Variants in GUCY1A2 observed in about 807,000 individuals in gnomAD.
The protein encoded by GUCY1A2 is guanylate cyclase 1 soluble subunit alpha 2.
In GUCY1A2, 27 loss-of-function variants were observed where a neutral mutation model predicts 63.5. The observed-to-expected ratio is 0.43, with a 90% CI of 0.31 to 0.59. The LOEUF (loss-of-function observed/expected upper bound fraction) is 0.59. Among genes scored for constraint, GUCY1A2 ranks in the 20% least tolerant of loss-of-function variants. GUCY1A2 has a pLI of 0.11. For missense variants in GUCY1A2, 768 were observed against 913.3 expected, an observed-to-expected ratio of 0.84 and a Z score of 2.05; for synonymous variants, 364 against 343.5, an observed-to-expected ratio of 1.06 and a Z score of -0.66.
At chr11:107,016,285 A>T (rs779637189) in intron 1 of GUCY1A2, among the ~76,000 whole-genome samples, 2 of 152,260 alleles carry the variant, frequency 1.3e-5, no homozygotes, top group Non-Finnish European at 2.9e-5. Context: ...TGTCAGGAGG[A>T]GCTAAAGCTC....
At chr11:106,929,158 G>T (rs1320334162) in intron 4 of GUCY1A2, among the ~76,000 whole-genome samples, 2 of 152,094 alleles carry the variant, frequency 1.3e-5, no homozygotes, top group Non-Finnish European at 2.9e-5. Context: ...TACTATTTTA[G>T]CATTTCTTAA....
intron 4 of GUCY1A2, among the ~76,000 whole-genome samples, chr11:106,894,626 T>C (rs1291708028): frequency 6.6e-6 from 1 of 152,088 alleles, no homozygotes; most frequent in Non-Finnish European, 1.5e-5. Context: ...TATGAGTCAG[T>C]AACAGAAAGG....
intron 1 of GUCY1A2, among the ~76,000 whole-genome samples, chr11:106,994,031 GC>G (rs1389079162): frequency 6.6e-6 from 1 of 152,116 alleles, no homozygotes; most frequent in South Asian, 2.1e-4. Flanking sequence ...TAACATCTGG[GC>G]CATTTTTTCC....
chr11:106,878,943 T>G (rs1405455935), intron 4 of GUCY1A2, among the ~76,000 whole-genome samples: 1 of 152,108 alleles, frequency 6.6e-6, no homozygotes, highest in Non-Finnish European at 1.5e-5. Context: ...TTGTGATGTT[T>G]TAAGACATTA....
intron 7 of GUCY1A2, among the ~76,000 whole-genome samples, chr11:106,691,504 C>A (rs1300459604): frequency 6.6e-6 from 1 of 152,146 alleles, no homozygotes; most frequent in Non-Finnish European, 1.5e-5. Flanking sequence ...TCACCAAGAT[C>A]TTTGTTTTGC....
rs568139219 is a variant in GUCY1A2 at position 107,015,561 on chromosome 11, C to CAAAAAAAAA, written c.303+2183_303+2191dup. Among the ~76,000 whole-genome samples, 11 of 27,508 alleles carry CAAAAAAAAA rather than the reference C, an allele frequency of 4.0e-4. 3 individuals carry two copies. Among genetic ancestry groups the CAAAAAAAAA allele is most frequent in the African/African-American group, 1.3e-3 (11 of 8,754 alleles). The allele number at this position is 27,508 out of a possible 152,430, so 18.0% of individuals were successfully genotyped here. A position where few individuals can be genotyped will look rare whatever the true frequency, so the allele number is the denominator to read the frequency against. Reference sequence around the variant, plus strand: ...TTAGAAATCTGTAAATTCTCTTAGGCAAAAAAAAAAAAAAAAAAAAAAAAA... The same window carrying CAAAAAAAAA: ...TTAGAAATCTGTAAATTCTCTTAGGCAAAAAAAAAAAAAAAAAAAAAAAAAAAAAAAAAA... On this transcript the variant is annotated intron_variant, in intron 1 of 7. Coordinates refer to ENST00000526355, the MANE Select transcript of GUCY1A2 (RefSeq NM_000855.3).
At chr11:106,981,768 G>A (rs894002142) in intron 2 of GUCY1A2, among the ~76,000 whole-genome samples, 17 of 151,898 alleles carry the variant, frequency 1.1e-4, no homozygotes, top group Admixed American at 2.0e-4. Context: ...CGAAAAAGAT[G>A]TTCTCTGTGA....
intron 6 of GUCY1A2, among the ~76,000 whole-genome samples, chr11:106,733,624 C>A (rs1341104289): frequency 6.6e-6 from 1 of 152,144 alleles, no homozygotes; most frequent in South Asian, 2.1e-4. Flanking sequence ...AAGACTGGCT[C>A]TGAAGAACAG....
chr11:106,888,406 A>C (rs1028930034), intron 4 of GUCY1A2, among the ~76,000 whole-genome samples: 1 of 152,036 alleles, frequency 6.6e-6, no homozygotes, highest in Non-Finnish European at 1.5e-5. Context: ...CGGAGCTTGC[A>C]GTGAGCCGAG....
At chr11:106,951,286 T>G (rs1049494352) in intron 3 of GUCY1A2, among the ~76,000 whole-genome samples, 5 of 152,198 alleles carry the variant, frequency 3.3e-5, no homozygotes, top group African/African-American at 1.2e-4. Context: ...CAAATGGTAT[T>G]TCTGGTTCTA....
At chr11:106,763,665 T>C (rs1864108245) in intron 6 of GUCY1A2, among the ~76,000 whole-genome samples, 1 of 152,118 alleles carries the variant, frequency 6.6e-6, no homozygotes, top group Admixed American at 6.6e-5. Flanking sequence ...TGTTTGGGTA[T>C]TGTGTATACA....
At chr11:106,768,697 C>T (rs148001701) in intron 6 of GUCY1A2, among the ~76,000 whole-genome samples, 122 of 152,042 alleles carry the variant, frequency 8.0e-4, no homozygotes, top group Non-Finnish European at 1.5e-3. Flanking sequence ...AACAAAGTAA[C>T]GAAAAATTAT....
At chr11:106,747,693 T>C (rs1182519252) in intron 6 of GUCY1A2, among the ~76,000 whole-genome samples, 2 of 152,190 alleles carry the variant, frequency 1.3e-5, no homozygotes, top group African/African-American at 2.4e-5. Flanking sequence ...TGGTGAAATA[T>C]TGATATTGAT....
At chr11:106,741,557 T>C (rs1338880597) in intron 6 of GUCY1A2, among the ~76,000 whole-genome samples, 3 of 152,122 alleles carry the variant, frequency 2.0e-5, no homozygotes, top group Admixed American at 6.5e-5. Context: ...TGGTATTACA[T>C]TAGACACCAA....
chr11:106,924,875 C>T (rs1202790297), intron 4 of GUCY1A2, among the ~76,000 whole-genome samples: 1 of 151,880 alleles, frequency 6.6e-6, no homozygotes, highest in Non-Finnish European at 1.5e-5. Context: ...CATGGTGGTG[C>T]GTACCTGTAG....
intron 4 of GUCY1A2, among the ~76,000 whole-genome samples, chr11:106,825,547 T>C (rs1165413249): frequency 6.6e-6 from 1 of 151,696 alleles, no homozygotes; most frequent in Non-Finnish European, 1.5e-5. Flanking sequence ...GTCTTAAGTT[T>C]TTTATGCCTT....
intron 1 of GUCY1A2, among the ~76,000 whole-genome samples, chr11:107,011,905 T>C (rs940839566): frequency 6.6e-6 from 1 of 152,078 alleles, no homozygotes; most frequent in African/African-American, 2.4e-5. Flanking sequence ...ATCAAGGCCT[T>C]TGAACACACA....
At chr11:106,974,620 T>G (rs1485080463) in intron 3 of GUCY1A2, among the ~76,000 whole-genome samples, 1 of 152,092 alleles carries the variant, frequency 6.6e-6, no homozygotes, top group Non-Finnish European at 1.5e-5. Flanking sequence ...TAAGAAAATA[T>G]TGTGAGGAAT....
At chr11:106,717,734 G>A (rs1322640293) in intron 6 of GUCY1A2, among the ~76,000 whole-genome samples, 1 of 152,134 alleles carries the variant, frequency 6.6e-6, no homozygotes, top group East Asian at 1.9e-4. Context: ...CACATTGTGA[G>A]GTAAGGGTGA....
Sources: allele counts gnomAD v4.1 joint callset (sites outside exome capture counted in the v4.1 genomes callset), GRCh38; gene constraint gnomAD v4.1.1; transcripts MANE v1.5; gene names NCBI Gene and HGNC (gene_info 2026-07-23, HGNC 2026-07-21).